The following MAP3K2 variants were observed in gnomAD, a reference collection of about 807,000 sequenced individuals.
MAP3K2 encodes the protein mitogen-activated protein kinase kinase kinase 2.
A neutral mutation model predicts 80.3 loss-of-function variants in MAP3K2; 24 were observed. The observed-to-expected ratio is 0.30, with a 90% CI of 0.22 to 0.42. The LOEUF (loss-of-function observed/expected upper bound fraction) is 0.42, where lower values mean the gene tolerates loss of function less well. Among genes scored for constraint, MAP3K2 ranks in the 10% least tolerant of loss-of-function variants. The pLI is 1.00. For missense variants in MAP3K2, 608 were observed against 750.1 expected (o/e 0.81, Z 2.21); for synonymous variants, 244 against 253.7 (o/e 0.96, Z 0.36).
chr2:127,326,568 TAAG>T, intron 8 of MAP3K2, 116 bp downstream of exon 8: 1 of 657,448 alleles, frequency 1.5e-6, no homozygotes, highest in Non-Finnish European at 2.3e-6. Flanking sequence ...TTTGTTCAGT[TAAG>T]AAGATATGTA....
rs955006808 is a variant in MAP3K2 at position 127,307,171 on chromosome 2, A to C, written c.*408T>G. The C allele has an allele frequency of 2.0e-5, 3 of 153,388 alleles. No individual in the cohort carries two copies. Among genetic ancestry groups the C allele is most frequent in the Non-Finnish European group, 2.9e-5 (2 of 68,568 alleles). 9.5% of individuals were successfully genotyped at this position (153,388 alleles called of 1,614,324 possible). A position where few individuals can be genotyped will look rare whatever the true frequency, so the allele number is the denominator to read the frequency against. ...TTTAAATACTATCACTAAAAACTAC[A>C]AATTATACATCATTTTCTTCTCCTT... is the stretch of plus-strand genomic sequence containing the variant. On this transcript the variant is annotated 3_prime_UTR_variant, in exon 17 of 17. Coordinates refer to ENST00000682094, the MANE Select transcript of MAP3K2 (RefSeq NM_001371910.2). The surrounding 1 kb of genome is among the most constrained non-coding windows in gnomAD (Gnocchi z 5.4).
At chr2:127,330,866 T>TA (rs1439621706) in intron 5 of MAP3K2, among the ~76,000 whole-genome samples, 1 of 152,170 alleles carries the variant, frequency 6.6e-6, no homozygotes, top group African/African-American at 2.4e-5. Flanking sequence ...GAAATAAAGG[T>TA]ACTACTTTTC....
At chr2:127,335,171 T>A (rs1686341145) in intron 5 of MAP3K2, among the ~76,000 whole-genome samples, 1 of 152,230 alleles carries the variant, frequency 6.6e-6, no homozygotes, top group Admixed American at 6.5e-5. Flanking sequence ...CATGAGGTGC[T>A]GCAACTTATA....
intron 15 of MAP3K2, among the ~76,000 whole-genome samples, chr2:127,312,075 G>A: frequency 6.6e-6 from 1 of 152,330 alleles, no homozygotes; most frequent in East Asian, 1.9e-4. Context: ...CTGGGGGACT[G>A]AGGAACAAAA....
rs1000379255 is a variant in MAP3K2, at chr2:127,304,637, TAG to T, written c.*2940_*2941del. 358 of 152,446 alleles carry T rather than the reference TAG, an allele frequency of 2.3e-3. 6 individuals carry two copies. The highest frequency in any genetic ancestry group is 7.7e-3 in the African/African-American group (319 of 41,568). 9.4% of individuals were successfully genotyped at this position (152,446 alleles called of 1,614,324 possible). ...GTGCATTTAAGAAACAAAACACATT[TAG>T]AGTTATCTTAAAAAGTTCAAATTGC... On this transcript the variant is annotated 3_prime_UTR_variant, in exon 17 of 17. Transcript: ENST00000682094.
At chr2:127,334,704 C>G (rs1686330447) in intron 5 of MAP3K2, among the ~76,000 whole-genome samples, 4 of 152,034 alleles carry the variant, frequency 2.6e-5, no homozygotes. Context: ...TTGGCCTCCC[C>G]CGATGTGCTG....
intron 1 of MAP3K2, among the ~76,000 whole-genome samples, chr2:127,367,369 C>T (rs991077841): frequency 6.6e-6 from 1 of 152,182 alleles, no homozygotes; most frequent in African/African-American, 2.4e-5. Flanking sequence ...TAACAGGTTA[C>T]TTTAAAATGC....
rs1235848399 is a variant in MAP3K2 at position 127,322,070 on chromosome 2, T to C, written c.1021A>G (p.Met341Val). The change falls in exon 12 of 17, where the codon ATG (methionine) becomes GTG (valine). Residue 341 changes from methionine (M) to valine (V), a missense_variant. Physicochemically the swap from Met to Val is conservative, Grantham distance 21. This residue lies in a region of MAP3K2 where 467 missense variants were observed against 521.9 expected (regional missense o/e 0.89). Transcript: ENST00000682094. This position sits in a 1 kb window ranked among gnomAD's most constrained non-coding sequence, Gnocchi z 4.2. ...SDIDNPTLTV[M>V]DISPPSRSPR... ...CAACGGCTGGGTGGGCTGATGTCCA[T>C]TACGGTCAAAGTAGGATTGTCTATG... The C allele has an allele frequency of 1.2e-6, 2 of 1,613,442 alleles. No individual in the cohort carries two copies. Among genetic ancestry groups the C allele is most frequent in the Non-Finnish European group, 1.7e-6 (2 of 1,179,740 alleles).
chr2:127,332,939 G>A (rs1169112004), intron 5 of MAP3K2, among the ~76,000 whole-genome samples: 3 of 151,902 alleles, frequency 2.0e-5, no homozygotes, highest in African/African-American at 7.3e-5. Context: ...AGACCAGCCT[G>A]GGCAACATGG....
rs774990670 is a variant in MAP3K2, at chr2:127,324,238, C to G, written c.681G>C (p.Glu227Asp). ...CPSLDSPLDG[E>D]SYPKSRMPRA... ...TAGGCATTCGTGATTTTGGATAGCT[C>G]TCTCTATAAAGAAAAAACATCACAT... is the stretch of plus-strand genomic sequence containing the variant. Residue 227 changes from glutamate (E) to aspartate (D), a missense_variant, in exon 10 of 17, where the codon GAG becomes GAC. This residue lies in a region of MAP3K2 where 467 missense variants were observed against 521.9 expected (regional missense o/e 0.89). Transcript: ENST00000682094. 2 of 1,542,116 alleles carry G rather than the reference C, an allele frequency of 1.3e-6. No homozygotes were observed. Among genetic ancestry groups the G allele is most frequent in the Non-Finnish European group, 1.7e-6 (2 of 1,143,158 alleles).
chr2:127,351,526 T>C lies in MAP3K2; in HGVS notation c.-65-8332A>G, dbSNP rs536979917. On this transcript the variant is annotated intron_variant, in intron 1 of 16. Transcript: ENST00000682094. ...TTTTTCCAGTTGCTCAAAACAAAAA[T>C]TTTGAGATAGGCTTGACCCCTCTCA... 1.8e-3 allele frequency among the ~76,000 whole-genome samples: 278 copies of C among 152,156 alleles called. 2 individuals are homozygous for C. The highest frequency in any genetic ancestry group is 2.5e-3 in the Non-Finnish European group (169 of 68,014).
At chr2:127,356,172 T>G (rs1046256920) in intron 1 of MAP3K2, among the ~76,000 whole-genome samples, 1 of 152,086 alleles carries the variant, frequency 6.6e-6, no homozygotes, top group South Asian at 2.1e-4. Context: ...TCTTTCAAAC[T>G]CCTGTTAATG....
At chr2:127,341,051 G>C (rs1019822285) in intron 2 of MAP3K2, among the ~76,000 whole-genome samples, 1 of 151,934 alleles carries the variant, frequency 6.6e-6, no homozygotes, top group South Asian at 2.1e-4. Flanking sequence ...GTGCAGTGGC[G>C]CCATCTCGGC....
chr2:127,299,907 A>G lies in MAP3K2; in HGVS notation c.*7672T>C, dbSNP rs1473146237. On this transcript the variant is annotated 3_prime_UTR_variant, in exon 17 of 17. Transcript: ENST00000682094. The stretch of plus-strand genomic sequence containing the variant: ...AAAAATGTAGAAATGAAATGAAAAT[A>G]AGAACTTACTGGGATATATACATGT... 1 of 152,126 alleles carries G rather than the reference A, an allele frequency of 6.6e-6. No homozygotes were observed. The highest frequency in any genetic ancestry group is 2.4e-5 in the African/African-American group (1 of 41,460). 9.4% of individuals were successfully genotyped at this position (152,126 alleles called of 1,614,324 possible).
At chr2:127,348,580 C>G (rs1439325837) in intron 1 of MAP3K2, among the ~76,000 whole-genome samples, 2 of 151,966 alleles carry the variant, frequency 1.3e-5, no homozygotes, top group Non-Finnish European at 2.9e-5. Context: ...TTTCCTAAAG[C>G]CAGGGTATGG....
At chr2:127,341,530 G>GT (rs1341901292) in intron 2 of MAP3K2, among the ~76,000 whole-genome samples, 19,319 of 91,242 alleles carry the variant, frequency 0.21, 2,658 homozygotes, top group Middle Eastern at 0.25. Flanking sequence ...TTTTTTTGTT[G>GT]TTTTTTTTTT....
At chr2:127,326,272 A>G (rs533194985) in intron 8 of MAP3K2, among the ~76,000 whole-genome samples, 1 of 152,142 alleles carries the variant, frequency 6.6e-6, no homozygotes, top group Non-Finnish European at 1.5e-5. Flanking sequence ...TGTTAAGGGA[A>G]TAACAGCAAC....
chr2:127,350,459 A>AAC (rs1248493166), intron 1 of MAP3K2, among the ~76,000 whole-genome samples: 2 of 148,964 alleles, frequency 1.3e-5, no homozygotes, highest in Non-Finnish European at 3.0e-5. Context: ...AAAAACAAAA[A>AAC]AAAAAAAAAA....
intron 1 of MAP3K2, among the ~76,000 whole-genome samples, chr2:127,383,335 C>T (rs1304899366): frequency 2.0e-5 from 3 of 152,096 alleles, no homozygotes; most frequent in Non-Finnish European, 4.4e-5. Flanking sequence ...GATGTTTTTC[C>T]GTTTGTCTGT....
Sources: allele counts gnomAD v4.1 joint callset (sites outside exome capture counted in the v4.1 genomes callset), GRCh38; gene constraint gnomAD v4.1.1; regional missense constraint gnomAD v4.1.1; non-coding constraint Gnocchi (gnomAD v3.1); transcripts MANE v1.5; gene names NCBI Gene and HGNC (gene_info 2026-07-23, HGNC 2026-07-21).